Variants in SEMA3A observed in about 807,000 individuals in gnomAD.
The protein encoded by SEMA3A is semaphorin 3A.
Under a neutral mutation model 97.9 loss-of-function variants are expected in SEMA3A, and 29 were observed. The ratio of observed to expected loss-of-function variants is 0.30; its 90% CI spans 0.22 to 0.40. The LOEUF (loss-of-function observed/expected upper bound fraction) is 0.40, where lower values mean the gene tolerates loss of function less well. Among genes scored for constraint, SEMA3A ranks in the 10% least tolerant of loss-of-function variants. SEMA3A has a pLI of 1.00. For missense variants in SEMA3A, 763 were observed against 951.3 expected (o/e 0.80, Z 2.60); for synonymous variants, 321 against 323.7 (o/e 0.99, Z 0.09).
intron 4 of SEMA3A, among the ~76,000 whole-genome samples, chr7:84,079,577 A>G: frequency 6.6e-6 from 1 of 152,084 alleles, no homozygotes; most frequent in East Asian, 1.9e-4. Context: ...GAAGACATTT[A>G]GGCAGCCAAC....
intron 1 of SEMA3A, among the ~76,000 whole-genome samples, chr7:84,484,956 T>C (rs572166367): frequency 1.3e-5 from 2 of 152,334 alleles, no homozygotes; most frequent in South Asian, 4.1e-4. Flanking sequence ...ACATATTTAC[T>C]GCTTTTATAA....
intron 1 of SEMA3A, among the ~76,000 whole-genome samples, chr7:84,382,259 C>T (rs990445772): frequency 1.3e-5 from 2 of 151,636 alleles, no homozygotes; most frequent in East Asian, 2.0e-4. Context: ...AGGTGCCTGC[C>T]GCCACCGCCA....
At chr7:84,052,802 G>A (rs1198706649) in intron 5 of SEMA3A, among the ~76,000 whole-genome samples, 1 of 150,170 alleles carries the variant, frequency 6.7e-6, no homozygotes, top group East Asian at 2.0e-4. Flanking sequence ...TAGTTGTGAT[G>A]TTAGGGTGTC....
intron 1 of SEMA3A, among the ~76,000 whole-genome samples, chr7:84,167,663 A>T (rs941809883): frequency 1.5e-4 from 23 of 152,196 alleles, no homozygotes; most frequent in Admixed American, 1.5e-3. Context: ...AAAATAAGAC[A>T]AAGGGAAATG....
intron 2 of SEMA3A, among the ~76,000 whole-genome samples, chr7:84,360,522 AT>A (rs35013926): frequency 0.29 from 43,583 of 151,816 alleles, 6,730 homozygotes; most frequent in African/African-American, 0.38. Flanking sequence ...AGTTAAACTA[AT>A]TTCTAAACAG....
At chr7:84,167,854 T>C (rs1372579543) in intron 1 of SEMA3A, among the ~76,000 whole-genome samples, 2 of 152,182 alleles carry the variant, frequency 1.3e-5, no homozygotes, top group Non-Finnish European at 2.9e-5. Flanking sequence ...ACTAATTTGA[T>C]GTAATAGCTC....
rs372793790 is a variant in SEMA3A, at chr7:83,971,045, T to C, written c.1717+6087A>G. The stretch of plus-strand genomic sequence containing the variant: ...AAGATGAGTCAATATCTCTTGAAAA[T>C]ACATAAACTATTTAAAAATTTATAA... On this transcript the variant is annotated intron_variant, in intron 15 of 16. Transcript: ENST00000265362. Among the ~76,000 whole-genome samples the C allele has an allele frequency of 3.1e-3, 473 of 152,282 alleles. 3 individuals carry two copies. Among genetic ancestry groups the C allele is most frequent in the African/African-American group, 0.011 (441 of 41,560 alleles).
At chr7:84,267,454 A>G (rs1800035601) in intron 3 of SEMA3A, among the ~76,000 whole-genome samples, 1 of 152,164 alleles carries the variant, frequency 6.6e-6, no homozygotes, top group African/African-American at 2.4e-5. Flanking sequence ...GTTAGTAAAT[A>G]GTATTAAACT....
At chr7:84,068,625 G>A (rs1033033138) in intron 4 of SEMA3A, among the ~76,000 whole-genome samples, 39 of 152,084 alleles carry the variant, frequency 2.6e-4, no homozygotes, top group African/African-American at 7.7e-4. Flanking sequence ...ATATTTTCTT[G>A]TACTCAATAA....
At chr7:84,395,797 T>C (rs370291907) in intron 1 of SEMA3A, among the ~76,000 whole-genome samples, 18 of 152,266 alleles carry the variant, frequency 1.2e-4, no homozygotes, top group East Asian at 1.2e-3. Context: ...TTCTCAGCCA[T>C]GCAGTACTGT....
rs758853632 is a variant in SEMA3A, at chr7:84,454,057, T to C, written c.-246+38403A>G. Reference sequence around the variant, plus strand: ...GCTACTGTGCTGCAATTATTTACAGTACATGGAGATGTAATTTGTTAAAAT... The same window carrying C: ...GCTACTGTGCTGCAATTATTTACAGCACATGGAGATGTAATTTGTTAAAAT... On this transcript the variant is annotated intron_variant, in intron 1 of 3. Coordinates refer to the SEMA3A transcript ENST00000424555. Among the ~76,000 whole-genome samples, 9 of 152,360 alleles carry C rather than the reference T, an allele frequency of 5.9e-5. No individual in the cohort carries two copies. In the Middle Eastern group the frequency reaches 0.01, roughly 173 times the overall value.
At chr7:84,242,121 G>A (rs1300376649) in intron 3 of SEMA3A, among the ~76,000 whole-genome samples, 1 of 151,920 alleles carries the variant, frequency 6.6e-6, no homozygotes, top group African/African-American at 2.4e-5. Flanking sequence ...GCTCTTTTTT[G>A]GTTTCAGATG....
intron 1 of SEMA3A, among the ~76,000 whole-genome samples, chr7:84,190,078 A>G (rs1309316851): frequency 6.6e-6 from 1 of 151,764 alleles, no homozygotes; most frequent in Non-Finnish European, 1.5e-5. Flanking sequence ...TATCATTATT[A>G]AAGCTGGTGA....
chr7:84,169,830 A>G (rs991436773), intron 1 of SEMA3A, among the ~76,000 whole-genome samples: 2 of 151,852 alleles, frequency 1.3e-5, no homozygotes, highest in African/African-American at 4.8e-5. Context: ...TTTGTTACAA[A>G]TGACCATAAC....
intron 3 of SEMA3A, among the ~76,000 whole-genome samples, chr7:84,115,698 C>A (rs563847825): frequency 1.2e-4 from 19 of 152,132 alleles, no homozygotes; most frequent in Non-Finnish European, 2.4e-4. Flanking sequence ...TTCTTCACCT[C>A]ATATTGCAAT....
At chr7:84,025,233 A>C (rs2116450572) in intron 6 of SEMA3A, among the ~76,000 whole-genome samples, 1 of 152,374 alleles carries the variant, frequency 6.6e-6, no homozygotes, top group African/African-American at 2.4e-5. Flanking sequence ...TATGTAAATT[A>C]TAAAACTATA....
intron 6 of SEMA3A, among the ~76,000 whole-genome samples, chr7:84,022,493 C>A (rs1191748220): frequency 3.9e-5 from 6 of 152,176 alleles, no homozygotes; most frequent in Admixed American, 3.9e-4. Context: ...CTTAATGACA[C>A]AAATACAGAT....
intron 4 of SEMA3A, among the ~76,000 whole-genome samples, chr7:84,072,784 G>C (rs1282129671): frequency 6.6e-6 from 1 of 152,002 alleles, no homozygotes; most frequent in African/African-American, 2.4e-5. Context: ...TAAATTATTT[G>C]TTAGCTATTT....
At chr7:84,238,827 G>T (rs1799294637) in intron 3 of SEMA3A, among the ~76,000 whole-genome samples, 1 of 151,784 alleles carries the variant, frequency 6.6e-6, no homozygotes, top group East Asian at 1.9e-4. Context: ...CAATTCCCCT[G>T]ACTCAGCCTC....
Sources: gnomAD v4.1 joint callset for allele counts (sites outside exome capture counted in the v4.1 genomes callset) on GRCh38, gnomAD v4.1.1 for gene constraint, MANE v1.5 for transcripts, NCBI Gene and HGNC (gene_info 2026-07-23, HGNC 2026-07-21) for gene names.